Variants in PCDHA12 observed in about 807,000 individuals in gnomAD.
PCDHA12 encodes protocadherin alpha-12.
A neutral mutation model predicts 60.0 loss-of-function variants in PCDHA12; 44 were observed. The ratio of observed to expected loss-of-function variants is 0.73; its 90% confidence interval spans 0.58 to 0.94. The LOEUF (loss-of-function observed/expected upper bound fraction) is 0.94. Among genes scored for constraint, PCDHA12 ranks in the 40% least tolerant of loss-of-function variants. The pLI, the probability that PCDHA12 is intolerant of heterozygous loss-of-function variation, is 0.00. For synonymous variants in PCDHA12, 569 were observed against 553.0 expected, an observed-to-expected ratio of 1.03 and a Z score of -0.40; for missense variants, 1,276 against 1,239.7, an observed-to-expected ratio of 1.03 and a Z score of -0.44.
At chr5:140,933,512 A>C (rs2089201610) in intron 1 of PCDHA12, among the ~76,000 whole-genome samples, 1 of 152,078 alleles carries the variant, frequency 6.6e-6, no homozygotes, top group African/African-American at 2.4e-5. Context: ...CAAAGACTAC[A>C]GCTGTTTTGT....
At chr5:140,950,746 T>C (rs2094515579) in intron 1 of PCDHA12, among the ~76,000 whole-genome samples, 1 of 152,138 alleles carries the variant, frequency 6.6e-6, no homozygotes, top group Non-Finnish European at 1.5e-5. Context: ...AATTTCTCTC[T>C]ATCCTTTCTG....
chr5:140,883,950 A>G (rs373518493), intron 1 of PCDHA12: 3 of 1,613,288 alleles, frequency 1.9e-6, no homozygotes, highest in South Asian at 1.1e-5. Flanking sequence ...GAGAACGACA[A>G]CGCTCCGGCG....
chr5:140,930,912 T>C (rs1205979304), intron 1 of PCDHA12, among the ~76,000 whole-genome samples: 3 of 152,196 alleles, frequency 2.0e-5, no homozygotes, highest in Non-Finnish European at 4.4e-5. Flanking sequence ...TTTTCTACTT[T>C]AGATGTGTAT....
intron 1 of PCDHA12, among the ~76,000 whole-genome samples, chr5:140,961,914 C>T (rs192184): frequency 0.56 from 84,843 of 150,390 alleles, 24,472 homozygotes; most frequent in African/African-American, 0.69. Context: ...GATGGAGTCT[C>T]GCTCTGTTGC....
intron 1 of PCDHA12, chr5:140,883,268 T>G: frequency 6.2e-7 from 1 of 1,614,030 alleles, no homozygotes; most frequent in Non-Finnish European, 8.5e-7. Flanking sequence ...GGCGGGTCAT[T>G]GTACCCTTTT....
chr5:140,963,483 T>C (rs1228943699), intron 1 of PCDHA12, among the ~76,000 whole-genome samples: 1 of 152,246 alleles, frequency 6.6e-6, no homozygotes, highest in Non-Finnish European at 1.5e-5. Flanking sequence ...GGTAAATCTC[T>C]TGTGAGGAAA....
chr5:140,894,778 T>C (rs1477645245), intron 1 of PCDHA12, among the ~76,000 whole-genome samples: 1 of 152,140 alleles, frequency 6.6e-6, no homozygotes, highest in Non-Finnish European at 1.5e-5. Flanking sequence ...TTTAGTGTAA[T>C]TATTTGTCCT....
In PCDHA12 at chr5:140,904,903, A is replaced by G. The variant is rs568713418; in HGVS notation, c.2367+27064A>G. On this transcript the variant is annotated intron_variant, in intron 1 of 3. Transcript: ENST00000398631. ...CTTTTTGATGGGATTTGTTTTTCTT[A>G]CTGATTTGTTTGACTTCCTTGTAGG... 9.4e-4 allele frequency among the ~76,000 whole-genome samples: 142 copies of G among 151,862 alleles called. 2 individuals carry two copies. The highest frequency in any genetic ancestry group is 2.9e-3 in the African/African-American group (122 of 41,438).
chr5:140,957,555 A>G (rs911734380), intron 1 of PCDHA12, among the ~76,000 whole-genome samples: 4 of 152,120 alleles, frequency 2.6e-5, no homozygotes, highest in Admixed American at 2.6e-4. Flanking sequence ...TTCTCTGTGG[A>G]AAAGGAGGGA....
chr5:141,007,775 A>G (rs1156577699), intron 3 of PCDHA12, among the ~76,000 whole-genome samples: 2 of 152,216 alleles, frequency 1.3e-5, no homozygotes, highest in Non-Finnish European at 2.9e-5. Context: ...TGGAAATGGT[A>G]CTGCTTTACA....
rs946669637 is a variant in PCDHA12, at chr5:140,923,020, G to C, written c.2367+45181G>C. On this transcript the variant is annotated intron_variant, in intron 1 of 3. Coordinates refer to ENST00000398631, the MANE Select transcript of PCDHA12 (RefSeq NM_018903.4). ...AGAATGGTTGTTGGACTGCAGTTTCGGACTCTATTACTACATGTATAGTAT... is the reference window on the plus strand; with the variant it reads ...AGAATGGTTGTTGGACTGCAGTTTCCGACTCTATTACTACATGTATAGTAT... Among the ~76,000 whole-genome samples the C allele has an allele frequency of 2.0e-5, 3 of 152,230 alleles. No homozygotes were observed. The East Asian group carries it at 5.8e-4, about 29-fold the overall frequency.
At chr5:140,967,783 C>T (rs1554229939) in intron 1 of PCDHA12, 1 of 1,614,186 alleles carries the variant, frequency 6.2e-7, no homozygotes, top group Admixed American at 1.7e-5. Flanking sequence ...AGGCGACTGA[C>T]CGGGGTCCAG....
chr5:140,886,328 C>T (rs1554182483), intron 1 of PCDHA12, among the ~76,000 whole-genome samples: 1 of 151,922 alleles, frequency 6.6e-6, no homozygotes, highest in African/African-American at 2.4e-5. Context: ...TTCTGGGATA[C>T]ATGTGCAGAA....
intron 1 of PCDHA12, among the ~76,000 whole-genome samples, chr5:140,933,721 C>G (rs957167505): frequency 6.6e-6 from 1 of 151,982 alleles, no homozygotes; most frequent in Non-Finnish European, 1.5e-5. Flanking sequence ...ATTGGTGATA[C>G]AGCTTTCTTA....
At chr5:141,000,415 A>ATT (rs1563651650) in intron 3 of PCDHA12, among the ~76,000 whole-genome samples, 4 of 87,388 alleles carry the variant, frequency 4.6e-5, no homozygotes, top group African/African-American at 1.5e-4. Flanking sequence ...ATATATATAT[A>ATT]TATATATTTT....
chr5:140,926,703 C>G (rs2083476417), intron 1 of PCDHA12: 2 of 835,304 alleles, frequency 2.4e-6, no homozygotes, highest in Admixed American at 7.4e-5. Context: ...CGGCTCCCAG[C>G]TGGCCAGCCC....
At chr5:140,908,668 A>C (rs2074091776) in intron 1 of PCDHA12, among the ~76,000 whole-genome samples, 1 of 152,194 alleles carries the variant, frequency 6.6e-6, no homozygotes, top group Non-Finnish European at 1.5e-5. Flanking sequence ...AAAGGCTCCA[A>C]ATAGCATCCC....
intron 1 of PCDHA12, among the ~76,000 whole-genome samples, chr5:140,961,599 G>T (rs1012408317): frequency 6.6e-6 from 1 of 152,062 alleles, no homozygotes; most frequent in African/African-American, 2.4e-5. Context: ...AATGATTCTA[G>T]TAAATGAAAC....
intron 1 of PCDHA12, among the ~76,000 whole-genome samples, chr5:140,924,902 AAAATAAAATAAAAT>A (rs1442290811): frequency 5.1e-5 from 2 of 39,026 alleles, no homozygotes; most frequent in East Asian, 1.3e-3. Flanking sequence ...CTCAAAAAAA[AAAATAAAATAAAAT>A]AAAATAAAAT....
Sources: gnomAD v4.1 joint callset for allele counts (sites outside exome capture counted in the v4.1 genomes callset) on GRCh38, gnomAD v4.1.1 for gene constraint, MANE v1.5 for transcripts, NCBI Gene and HGNC (gene_info 2026-07-23, HGNC 2026-07-21) for gene names.